The following DLC1 variants were observed in gnomAD, a reference collection of about 807,000 sequenced individuals.
DLC1 encodes rho GTPase-activating protein 7.
A neutral mutation model predicts 140.3 loss-of-function variants in DLC1; 54 were observed. The observed-to-expected ratio is 0.38, with a 90% CI of 0.31 to 0.48. The LOEUF (loss-of-function observed/expected upper bound fraction) is 0.48. DLC1 is among the 20% of genes least tolerant of loss of function. The pLI, the probability that DLC1 is intolerant of heterozygous loss-of-function variation, is 0.96. For missense variants in DLC1, 2,536 were observed against 1,907.0 expected (o/e 1.33, Z -6.14); for synonymous variants, 986 against 728.1 (o/e 1.35, Z -5.70).
intron 5 of DLC1, among the ~76,000 whole-genome samples, chr8:13,281,812 T>C (rs1008273227): frequency 2.6e-5 from 4 of 152,224 alleles, no homozygotes; most frequent in Non-Finnish European, 5.9e-5. Flanking sequence ...AACATTATCT[T>C]ATTTCCTTTT....
intron 3 of DLC1, among the ~76,000 whole-genome samples, chr8:13,397,230 G>A (rs1040928977): frequency 6.6e-6 from 1 of 152,288 alleles, no homozygotes; most frequent in Non-Finnish European, 1.5e-5. Context: ...GAAGGGAATG[G>A]AAGCTGTGGT....
At chr8:13,199,700 T>C (rs1345685363) in intron 5 of DLC1, among the ~76,000 whole-genome samples, 5 of 152,206 alleles carry the variant, frequency 3.3e-5, no homozygotes, top group South Asian at 4.1e-4. Flanking sequence ...GGGAGGATGT[T>C]ATTTCTATGT....
chr8:13,114,831 A>T (rs1034647676), intron 6 of DLC1, among the ~76,000 whole-genome samples: 2 of 152,210 alleles, frequency 1.3e-5, no homozygotes, highest in Non-Finnish European at 2.9e-5. Context: ...GTTGGCAAAA[A>T]TTAAAGTCTG....
chr8:13,112,454 C>A (rs1820196274), intron 6 of DLC1, among the ~76,000 whole-genome samples: 1 of 151,942 alleles, frequency 6.6e-6, no homozygotes, highest in South Asian at 2.1e-4. Context: ...GACATTGTTC[C>A]CTAAATGATA....
intron 2 of DLC1, among the ~76,000 whole-genome samples, chr8:13,423,287 C>A (rs1838400747): frequency 1.3e-5 from 2 of 151,998 alleles, no homozygotes; most frequent in Admixed American, 1.3e-4. Flanking sequence ...ATAAAATGAA[C>A]ATTTTCTGCT....
At chr8:13,504,068 G>T (rs777458685) in intron 1 of DLC1, among the ~76,000 whole-genome samples, 2 of 150,506 alleles carry the variant, frequency 1.3e-5, no homozygotes, top group Non-Finnish European at 2.9e-5. Flanking sequence ...CTTGCAACTC[G>T]AAAACTCACT....
rs77726820 is a variant in DLC1, at chr8:13,560,667, G to C, written c.-126+43870C>G. 9.0e-3 allele frequency among the ~76,000 whole-genome samples: 1,365 copies of C among 152,240 alleles called. 23 individuals carry two copies. The highest frequency in any genetic ancestry group is 0.031 in the African/African-American group (1,305 of 41,538). On this transcript the variant is annotated intron_variant, in intron 1 of 1. Coordinates refer to the DLC1 transcript ENST00000631382. ...GTTGAAGTCCTAACCTCCAGTATCT[G>C]AGAATGTGGCCTTATTTGGAGATGG...
intron 5 of DLC1, among the ~76,000 whole-genome samples, chr8:13,218,513 A>G (rs1828321004): frequency 6.6e-6 from 1 of 152,018 alleles, no homozygotes; most frequent in African/African-American, 2.4e-5. Flanking sequence ...CCTAACATAC[A>G]TGAAAAGATG....
intron 2 of DLC1, among the ~76,000 whole-genome samples, chr8:13,409,616 C>G (rs1837701614): frequency 6.6e-6 from 1 of 152,126 alleles, no homozygotes; most frequent in Non-Finnish European, 1.5e-5. Context: ...TGTTTTCATT[C>G]ATGTAATAAC....
chr8:13,212,954 T>C (rs761749845), intron 5 of DLC1, among the ~76,000 whole-genome samples: 3 of 152,224 alleles, frequency 2.0e-5, no homozygotes, highest in Non-Finnish European at 4.4e-5. Flanking sequence ...TTTTTATTTG[T>C]ATCACTTTCT....
chr8:13,352,894 C>T (rs1329413270), intron 4 of DLC1, among the ~76,000 whole-genome samples: 1 of 152,084 alleles, frequency 6.6e-6, no homozygotes, highest in Non-Finnish European at 1.5e-5. Flanking sequence ...GTAATAACCT[C>T]ATTCTGTGGA....
intron 2 of DLC1, among the ~76,000 whole-genome samples, chr8:13,469,352 T>C (rs1245785482): frequency 6.6e-6 from 1 of 152,180 alleles, no homozygotes; most frequent in South Asian, 2.1e-4. Context: ...GTTCCAAAAG[T>C]CTGTACCATG....
intron 1 of DLC1, among the ~76,000 whole-genome samples, chr8:13,580,524 C>T (rs1192536128): frequency 6.6e-6 from 1 of 152,120 alleles, no homozygotes; most frequent in Non-Finnish European, 1.5e-5. Flanking sequence ...CAAGAGCCCT[C>T]AGTGGTGGGG....
chr8:13,085,889 CA>C lies in DLC1; in HGVS notation c.4508del (p.Leu1503CysfsTer7). Reference protein sequence around the residue: ...PEWYTKSFGHLCAAEVVKIRD... With the variant: ...PEWYTKSFGHXCAAEVVKIRD... ...GGATCTTTACAACTTCAGCTGCACA[CA>C]AATGTCCAAAAGATTTTGTGTACCA... On this transcript the variant is annotated frameshift_variant, in exon 18 of 18. Transcript: ENST00000276297. LOFTEE classifies it high-confidence loss of function. 6.2e-7 allele frequency: 1 copy of C among 1,614,152 alleles called. No homozygotes were observed. The highest frequency in any genetic ancestry group is 8.5e-7 in the Non-Finnish European group (1 of 1,180,032).
intron 4 of DLC1, among the ~76,000 whole-genome samples, chr8:13,315,735 C>A (rs956045479): frequency 4.6e-5 from 7 of 152,176 alleles, no homozygotes; most frequent in Non-Finnish European, 8.8e-5. Context: ...ATCCCATCCT[C>A]TGTGCAGGAA....
chr8:13,582,373 C>T (rs544963868), intron 1 of DLC1, among the ~76,000 whole-genome samples: 2 of 152,102 alleles, frequency 1.3e-5, no homozygotes, highest in Non-Finnish European at 2.9e-5. Flanking sequence ...CTGGGTGTGT[C>T]TGTGAGGGTG....
chr8:13,237,354 G>A (rs1418152129), intron 5 of DLC1, among the ~76,000 whole-genome samples: 2 of 147,704 alleles, frequency 1.4e-5, no homozygotes, highest in Non-Finnish European at 3.0e-5. Context: ...ACACACACAC[G>A]TATATACACA....
In DLC1 at chr8:13,465,387, G is replaced by C. The variant is rs184505660; in HGVS notation, c.1023+33662C>G. ...CTAGAATGTATAGGGAGTTCCTGTTGATCCTGACTCTGGCACTTGGTGTAT... is the reference window on the plus strand; with the variant it reads ...CTAGAATGTATAGGGAGTTCCTGTTCATCCTGACTCTGGCACTTGGTGTAT... On this transcript the variant is annotated intron_variant, in intron 2 of 17. Coordinates refer to ENST00000276297, the MANE Select transcript of DLC1 (RefSeq NM_182643.3). 3.1e-3 allele frequency among the ~76,000 whole-genome samples: 465 copies of C among 152,206 alleles called. 2 individuals carry two copies. Among genetic ancestry groups the C allele is most frequent in the Middle Eastern group, 0.01 (3 of 294 alleles).
rs1801706717 is a variant in DLC1, at chr8:13,499,787, ATCT to A, written c.282_284del (p.Glu94del). 1.2e-6 allele frequency: 2 copies of A among 1,613,926 alleles called. No homozygotes were observed. Among genetic ancestry groups the A allele is most frequent in the African/African-American group, 2.7e-5 (2 of 74,926 alleles). On this transcript the variant is annotated inframe_deletion, in exon 2 of 18. Coordinates refer to ENST00000276297, the MANE Select transcript of DLC1 (RefSeq NM_182643.3). The stretch of plus-strand genomic sequence containing the variant: ...TGCTGGCTTCCAGAGAAAGAAACTG[ATCT>A]TCACCTTCATGGCTGTCATTTTCGT...
Sources: allele counts gnomAD v4.1 joint callset (sites outside exome capture counted in the v4.1 genomes callset), GRCh38; gene constraint gnomAD v4.1.1; transcripts MANE v1.5; gene names NCBI Gene and HGNC (gene_info 2026-07-23, HGNC 2026-07-21).